The following DDX17 variants were observed in gnomAD, a reference collection of about 807,000 sequenced individuals.
The protein encoded by DDX17 is DEAD-box helicase 17, also known as probable ATP-dependent RNA helicase DDX17.
In DDX17, 10 loss-of-function variants were observed where a neutral mutation model predicts 80.8. The observed-to-expected ratio is 0.12, with a 90% CI of 0.08 to 0.21. The LOEUF (loss-of-function observed/expected upper bound fraction) is 0.21. DDX17 is among the 10% of genes least tolerant of loss of function. The probability of loss-of-function intolerance (pLI) is 1.00; values close to 1 mark genes in which losing one functional copy is unlikely to be tolerated. For missense variants in DDX17, 586 were observed against 957.4 expected, an observed-to-expected ratio of 0.61 and a Z score of 5.12; for synonymous variants, 339 against 336.2, an observed-to-expected ratio of 1.01 and a Z score of -0.09.
chr22:38,490,269 A>G (rs2145690230), intron 11 of DDX17: 1 of 1,254,474 alleles, frequency 8.0e-7, no homozygotes, highest in Middle Eastern at 2.2e-4. Context: ...TGGCCAGCTG[A>G]CTGGGATAAG....
intron 5 of DDX17, among the ~76,000 whole-genome samples, chr22:38,496,766 G>A (rs1287783785): frequency 6.6e-6 from 1 of 152,134 alleles, no homozygotes; most frequent in Non-Finnish European, 1.5e-5. Context: ...AAATTTACAT[G>A]TAATCTGACA....
At chr22:38,492,705 C>CT (rs1416413235) in intron 10 of DDX17, among the ~76,000 whole-genome samples, 1 of 152,128 alleles carries the variant, frequency 6.6e-6, no homozygotes, top group African/African-American at 2.4e-5. Context: ...AGGCTGGTCT[C>CT]GAACTCCCAA....
At chr22:38,488,444 A>G in intron 11 of DDX17, 1 of 1,201,592 alleles carries the variant, frequency 8.3e-7, no homozygotes, top group South Asian at 1.8e-5. Context: ...CTTCAGACGC[A>G]AATTCCAGTA....
Position 38,484,248 on chromosome 22 carries a change from G to A in DDX17, c.*1687C>T, listed in dbSNP as rs1299485003. 1.3e-5 allele frequency: 2 copies of A among 150,112 alleles called. No homozygotes were observed. The highest frequency in any genetic ancestry group is 2.5e-5 in the African/African-American group (1 of 40,598). 9.3% of individuals were successfully genotyped at this position (150,112 alleles called of 1,614,324 possible). A position where few individuals can be genotyped will look rare whatever the true frequency, so the allele number is the denominator to read the frequency against. ...TTGGCCTCAACTTCTGTAAGATGGG[G>A]GGGGGACAAAAAGAGAAGTAAAGTT... On this transcript the variant is annotated 3_prime_UTR_variant, in exon 13 of 13. Transcript: ENST00000403230.
chr22:38,485,902 A>T lies in DDX17; in HGVS notation c.*33T>A, dbSNP rs2089652827. The T allele has an allele frequency of 6.2e-7, 1 of 1,604,710 alleles. No individual in the cohort carries two copies. Among genetic ancestry groups the T allele is most frequent in the Admixed American group, 1.7e-5 (1 of 58,694 alleles). On this transcript the variant is annotated 3_prime_UTR_variant, in exon 13 of 13. Transcript: ENST00000403230. ...AGACAGTGTTCCTTAAAATGTAATT[A>T]AGTCTGCTGGAGTCACTACCACTTG...
chr22:38,488,150 A>G, intron 11 of DDX17, 35 bp from the exon 12 acceptor site: 4 of 1,612,742 alleles, frequency 2.5e-6, no homozygotes, highest in Non-Finnish European at 3.4e-6. Flanking sequence ...GTGTAGGTTG[A>G]TGTGGCAGGG....
In DDX17 at chr22:38,494,671, G is replaced by A. The variant is rs2089744030; in HGVS notation, c.1173C>T (p.Leu391=). The change falls in exon 8 of 13, where the codon CTC becomes CTT. Residue 391 remains leucine, a synonymous_variant. Coordinates refer to ENST00000403230, the MANE Select transcript of DDX17 (RefSeq NM_006386.5). ...TTTCCATGCAGACATCCACTATCTG[G>A]AGGATGTTGTGGTTGGCACTCAACT... 1.2e-6 allele frequency: 2 copies of A among 1,613,984 alleles called. No individual in the cohort carries two copies. The highest frequency in any genetic ancestry group is 1.3e-5 in the African/African-American group (1 of 74,906).
chr22:38,485,868 A>G lies in DDX17; in HGVS notation c.*67T>C. ...AAAAAAGAAAAGGCGAAGAGGAAAA[A>G]AAAAGGAAAGACAGTGTTCCTTAAA... On this transcript the variant is annotated 3_prime_UTR_variant, in exon 13 of 13. Transcript: ENST00000403230. 6.6e-7 allele frequency: 1 copy of G among 1,511,954 alleles called. No homozygotes were observed. The highest frequency in any genetic ancestry group is 8.8e-7 in the Non-Finnish European group (1 of 1,135,234). 93.7% of individuals were successfully genotyped at this position (1,511,954 alleles called of 1,614,324 possible).
chr22:38,488,581 T>C, intron 11 of DDX17: 1 of 992,076 alleles, frequency 1.0e-6, no homozygotes, highest in Non-Finnish European at 1.2e-6. Flanking sequence ...AACTTACCTT[T>C]AAACCAGTCA....
chr22:38,504,470 G>A (rs1308813972), intron 1 of DDX17, among the ~76,000 whole-genome samples: 1 of 152,144 alleles, frequency 6.6e-6, no homozygotes, highest in Non-Finnish European at 1.5e-5. Flanking sequence ...GAATTGCTGG[G>A]TCGTTTTCAA....
At chr22:38,493,396 A>C in intron 10 of DDX17, 10 of 224,846 alleles carry the variant, frequency 4.4e-5, no homozygotes, top group South Asian at 1.1e-4. Context: ...TATGTTGCCC[A>C]GACCGGTCTT....
At chr22:38,503,206 C>T (rs2089847573) in intron 1 of DDX17, among the ~76,000 whole-genome samples, 1 of 152,146 alleles carries the variant, frequency 6.6e-6, no homozygotes, top group Admixed American at 6.6e-5. Flanking sequence ...CAAAAGGCCA[C>T]CTCAATTGCC....
At chr22:38,500,153 G>T (rs1438222742) in intron 2 of DDX17, among the ~76,000 whole-genome samples, 1 of 139,790 alleles carries the variant, frequency 7.2e-6, no homozygotes, top group Non-Finnish European at 1.5e-5. Context: ...TCTAGCCTAG[G>T]GGACAGAGTG....
chr22:38,502,485 T>A (rs1446405018), intron 1 of DDX17, among the ~76,000 whole-genome samples: 1 of 151,746 alleles, frequency 6.6e-6, no homozygotes, highest in Non-Finnish European at 1.5e-5. Flanking sequence ...TTACCTTCTA[T>A]CTCCTTCTTG....
intron 4 of DDX17, 29 bp from the exon 5 acceptor site, chr22:38,498,179 T>TA: frequency 6.2e-7 from 1 of 1,606,990 alleles, no homozygotes; most frequent in Admixed American, 1.7e-5. Flanking sequence ...ATGACAACCT[T>TA]ACGCTTAGAA....
chr22:38,504,451 C>T (rs1417634760), intron 1 of DDX17, among the ~76,000 whole-genome samples: 1 of 152,136 alleles, frequency 6.6e-6, no homozygotes, highest in Non-Finnish European at 1.5e-5. Context: ...GGGTATAAAG[C>T]TTAGGGAGGA....
Position 38,506,208 on chromosome 22 carries a change from G to C in DDX17, c.30C>G (p.Leu10=). Residue 10 remains leucine (L), a synonymous_variant, in exon 1 of 13, where the codon CTC becomes CTG. Coordinates refer to ENST00000403230, the MANE Select transcript of DDX17 (RefSeq NM_006386.5). ...TCGTCGGAGACGGGAGCAAAACACA[G>C]AGAATCGGGGCTACAAAGCCGGTGG... is the stretch of plus-strand genomic sequence containing the variant. 6.2e-7 allele frequency: 1 copy of C among 1,607,486 alleles called. No individual in the cohort carries two copies. Among genetic ancestry groups the C allele is most frequent in the Non-Finnish European group, 8.5e-7 (1 of 1,177,432 alleles).
In DDX17 at chr22:38,486,277, G is replaced by A; in HGVS notation, c.1848C>T (p.Gly616=). ...CAGAATTTGGACTTCCATAGCCACT[G>A]CCATTAGCATAACCAGCTCTATCGG... The change falls in exon 13 of 13, where the codon GGC becomes GGT. Residue 616 remains glycine, a synonymous_variant. Transcript: ENST00000403230. The A allele has an allele frequency of 1.9e-6, 3 of 1,614,174 alleles. No homozygotes were observed. The highest frequency in any genetic ancestry group is 2.5e-6 in the Non-Finnish European group (3 of 1,180,032).
At chr22:38,505,232 G>A (rs939222796) in intron 1 of DDX17, 3 of 152,154 alleles carry the variant, frequency 2.0e-5, no homozygotes, top group African/African-American at 7.2e-5. Flanking sequence ...ACTTTCTAGC[G>A]AGGCAGAATA....
Sources: allele counts gnomAD v4.1 joint callset (sites outside exome capture counted in the v4.1 genomes callset), GRCh38; gene constraint gnomAD v4.1.1; transcripts MANE v1.5; gene names NCBI Gene and HGNC (gene_info 2026-07-23, HGNC 2026-07-21).